The following PRKG1 variants were observed in gnomAD, a reference collection of about 807,000 sequenced individuals.
The protein encoded by PRKG1 is cGMP-dependent protein kinase 1.
PRKG1 carries 35 observed loss-of-function variants against 88.1 expected under a neutral mutation model. That is an observed-to-expected ratio of 0.40 (90% CI 0.30 to 0.53). PRKG1 has a LOEUF of 0.53. PRKG1 is among the 20% of genes least tolerant of loss of function. The pLI is 0.59. For missense variants in PRKG1, 540 were observed against 839.8 expected (o/e 0.64, Z 4.41); for synonymous variants, 303 against 292.5 (o/e 1.04, Z -0.37).
chr10:52,143,469 G>A (rs1447057213), intron 8 of PRKG1, among the ~76,000 whole-genome samples: 1 of 152,104 alleles, frequency 6.6e-6, no homozygotes, highest in Non-Finnish European at 1.5e-5. Flanking sequence ...TCTCCTGTGG[G>A]GTGAAAATCA....
chr10:52,031,272 A>G (rs1426491831), intron 5 of PRKG1, among the ~76,000 whole-genome samples: 1 of 152,182 alleles, frequency 6.6e-6, no homozygotes, highest in Non-Finnish European at 1.5e-5. Context: ...TGTAAGAAAC[A>G]CCTCTGTTTT....
intron 9 of PRKG1, among the ~76,000 whole-genome samples, chr10:52,224,677 A>G (rs1840338297): frequency 1.3e-5 from 2 of 150,078 alleles, no homozygotes; most frequent in South Asian, 4.3e-4. Context: ...GCTCCCACAT[A>G]TCAGTGAGAA....
At chr10:51,696,736 T>C (rs1589210550) in intron 3 of PRKG1, 1 of 152,178 alleles carries the variant, frequency 6.6e-6, no homozygotes, top group Non-Finnish European at 1.5e-5. Context: ...GGACACCATC[T>C]GTATACAAAC....
At chr10:52,164,013 T>C (rs1002448356) in intron 9 of PRKG1, among the ~76,000 whole-genome samples, 2 of 152,120 alleles carry the variant, frequency 1.3e-5, no homozygotes, top group Non-Finnish European at 2.9e-5. Context: ...ATGGCGTTTT[T>C]GAGATTTAAT....
intron 1 of PRKG1, among the ~76,000 whole-genome samples, chr10:51,082,389 G>A (rs927751912): frequency 2.0e-5 from 3 of 152,200 alleles, no homozygotes; most frequent in South Asian, 2.1e-4. Context: ...GTAGGACGGC[G>A]GTTCCCAAAC....
chr10:51,813,996 T>G (rs890454008), intron 4 of PRKG1, among the ~76,000 whole-genome samples: 1 of 152,186 alleles, frequency 6.6e-6, no homozygotes, highest in African/African-American at 2.4e-5. Flanking sequence ...CCACCACCTG[T>G]ACATAAGCAG....
intron 3 of PRKG1, among the ~76,000 whole-genome samples, chr10:51,720,708 A>C (rs1046268425): frequency 6.6e-6 from 1 of 152,208 alleles, no homozygotes; most frequent in African/African-American, 2.4e-5. Context: ...AGTCCACAAA[A>C]TTAGCAAGTG....
intron 5 of PRKG1, among the ~76,000 whole-genome samples, chr10:51,995,306 G>A (rs566439773): frequency 5.5e-4 from 84 of 152,064 alleles, no homozygotes; most frequent in African/African-American, 2.0e-3. Flanking sequence ...TCTTAAACAG[G>A]AGCAGGTAAT....
chr10:51,401,006 T>C (rs978117892), intron 2 of PRKG1, among the ~76,000 whole-genome samples: 1 of 152,162 alleles, frequency 6.6e-6, no homozygotes, highest in African/African-American at 2.4e-5. Flanking sequence ...AGTAAGCAGG[T>C]TTAAATAACT....
At chr10:51,561,915 A>C (rs566533229) in intron 3 of PRKG1, among the ~76,000 whole-genome samples, 1 of 152,002 alleles carries the variant, frequency 6.6e-6, no homozygotes, top group Non-Finnish European at 1.5e-5. Flanking sequence ...GGGAAGTGAT[A>C]TAGAACTGGT....
intron 14 of PRKG1, among the ~76,000 whole-genome samples, chr10:52,286,660 A>G (rs928893732): frequency 7.2e-5 from 11 of 151,988 alleles, no homozygotes; most frequent in African/African-American, 2.4e-4. Flanking sequence ...CATCATTAAT[A>G]ATTAGTAATC....
intron 5 of PRKG1, among the ~76,000 whole-genome samples, chr10:52,031,574 G>C (rs994613915): frequency 8.5e-5 from 13 of 152,086 alleles, no homozygotes; most frequent in African/African-American, 3.1e-4. Flanking sequence ...ATGAATATTA[G>C]TGTTTTTAAA....
intron 2 of PRKG1, among the ~76,000 whole-genome samples, chr10:51,292,755 A>G (rs1288903243): frequency 6.6e-6 from 1 of 152,158 alleles, no homozygotes; most frequent in Non-Finnish European, 1.5e-5. Flanking sequence ...ATGGGTGTCT[A>G]CGCACCTTAT....
chr10:51,304,374 G>A (rs1256531424), intron 2 of PRKG1, among the ~76,000 whole-genome samples: 1 of 152,100 alleles, frequency 6.6e-6, no homozygotes, highest in Non-Finnish European at 1.5e-5. Context: ...AACAACTGAT[G>A]TAATAATTAA....
chr10:51,578,981 T>G (rs77122010), intron 3 of PRKG1, among the ~76,000 whole-genome samples: 1 of 81,888 alleles, frequency 1.2e-5, no homozygotes, highest in Non-Finnish European at 2.5e-5. Context: ...GTTCTGTTGG[T>G]TTTTTTTTTT....
chr10:51,266,523 C>T (rs1250380106), intron 2 of PRKG1, among the ~76,000 whole-genome samples: 1 of 152,128 alleles, frequency 6.6e-6, no homozygotes, highest in African/African-American at 2.4e-5. Flanking sequence ...AAGCCAGTTT[C>T]AAAATTGATA....
chr10:51,833,697 G>A (rs971503285), intron 4 of PRKG1, among the ~76,000 whole-genome samples: 1 of 152,150 alleles, frequency 6.6e-6, no homozygotes, highest in African/African-American at 2.4e-5. Flanking sequence ...TATTTGTGGT[G>A]AGAACATTAA....
At chr10:51,268,742 C>T (rs912259693) in intron 2 of PRKG1, among the ~76,000 whole-genome samples, 1 of 151,986 alleles carries the variant, frequency 6.6e-6, no homozygotes, top group Non-Finnish European at 1.5e-5. Context: ...CCTCAGCTTA[C>T]GAAAATGACG....
chr10:51,190,397 C>A (rs1837601721), intron 2 of PRKG1, among the ~76,000 whole-genome samples: 1 of 151,762 alleles, frequency 6.6e-6, no homozygotes, highest in Admixed American at 6.6e-5. Flanking sequence ...TAAATGGCTG[C>A]TGAGAAACTG....
Sources: allele counts gnomAD v4.1 joint callset (sites outside exome capture counted in the v4.1 genomes callset), GRCh38; gene constraint gnomAD v4.1.1; transcripts MANE v1.5; gene names NCBI Gene and HGNC (gene_info 2026-07-23, HGNC 2026-07-21).